FHIT: variants seen among roughly 807,000 people sequenced by gnomAD.
FHIT encodes the protein fragile histidine triad diadenosine triphosphatase, also known as bis(5'-adenosyl)-triphosphatase.
In FHIT, 19 loss-of-function variants were observed where a neutral mutation model predicts 17.9. That is an observed-to-expected ratio of 1.06 (90% CI 0.74 to 1.56). The LOEUF (loss-of-function observed/expected upper bound fraction) is 1.56, where lower values mean the gene tolerates loss of function less well. FHIT is among the 40% of genes most tolerant of loss of function. FHIT has a pLI of 0.00. For synonymous variants in FHIT, 81 were observed against 69.7 expected (o/e 1.16, Z -0.81); for missense variants, 248 against 189.2 (o/e 1.31, Z -1.82).
At chr3:59,780,668 T>A (rs1367253455) in intron 8 of FHIT, among the ~76,000 whole-genome samples, 1 of 152,152 alleles carries the variant, frequency 6.6e-6, no homozygotes, top group Non-Finnish European at 1.5e-5. Flanking sequence ...TGTGCCCTTA[T>A]AAGGACATGA....
At chr3:59,900,031 C>A (rs1704256327) in intron 8 of FHIT, among the ~76,000 whole-genome samples, 1 of 152,190 alleles carries the variant, frequency 6.6e-6, no homozygotes, top group African/African-American at 2.4e-5. Context: ...CCAGGGCCCA[C>A]AGGTATCGTT....
intron 5 of FHIT, among the ~76,000 whole-genome samples, chr3:60,280,067 C>A (rs929958712): frequency 2.7e-5 from 4 of 146,964 alleles, no homozygotes; most frequent in Admixed American, 2.0e-4. Context: ...GAAAACCAAA[C>A]AACAAAAAAA....
rs138026427 is a variant in FHIT at position 60,107,913 on chromosome 3, G to C, written c.104-93761C>G. ...GTTGACAGTCTAAATTTGCTTCCTT[G>C]AGGCATTATCTGTTTGACCAGATTT... On this transcript the variant is annotated intron_variant, in intron 5 of 9. Coordinates refer to ENST00000492590, the MANE Select transcript of FHIT (RefSeq NM_002012.4). Among the ~76,000 whole-genome samples the C allele has an allele frequency of 6.6e-5, 10 of 152,274 alleles. No homozygotes were observed. The East Asian group carries it at 1.9e-3, about 29-fold the overall frequency.
At chr3:59,854,453 C>T (rs773923804) in intron 8 of FHIT, among the ~76,000 whole-genome samples, 1 of 152,212 alleles carries the variant, frequency 6.6e-6, no homozygotes, top group African/African-American at 2.4e-5. Context: ...TCCCAATCAT[C>T]ACTTAGGTCA....
intron 5 of FHIT, among the ~76,000 whole-genome samples, chr3:60,292,148 A>G (rs959589336): frequency 1.3e-5 from 2 of 152,028 alleles, no homozygotes; most frequent in Non-Finnish European, 2.9e-5. Flanking sequence ...AGCTCAAGGT[A>G]GGGCCCAGGT....
At chr3:60,836,698 TCTA>T (rs1262664910) in intron 3 of FHIT, among the ~76,000 whole-genome samples, 1 of 152,194 alleles carries the variant, frequency 6.6e-6, no homozygotes, top group Admixed American at 6.5e-5. Flanking sequence ...AAGAGTGAGG[TCTA>T]GTAGAAAGAA....
intron 3 of FHIT, among the ~76,000 whole-genome samples, chr3:61,002,196 T>C (rs1223476312): frequency 1.3e-5 from 2 of 152,242 alleles, no homozygotes; most frequent in Non-Finnish European, 2.9e-5. Flanking sequence ...TTATTTACTA[T>C]AGTCACAATG....
At chr3:60,774,918 GA>G in intron 4 of FHIT, among the ~76,000 whole-genome samples, 1 of 152,222 alleles carries the variant, frequency 6.6e-6, no homozygotes, top group Admixed American at 6.5e-5. Flanking sequence ...CTTATTTCTG[GA>G]ATTTTCCATT....
intron 5 of FHIT, among the ~76,000 whole-genome samples, chr3:60,440,596 C>A (rs975941523): frequency 6.6e-6 from 1 of 152,058 alleles, no homozygotes; most frequent in African/African-American, 2.4e-5. Context: ...TAAAAACTTG[C>A]CCAAAGTCAC....
At chr3:60,546,606 C>T (rs1250901138) in intron 4 of FHIT, among the ~76,000 whole-genome samples, 1 of 152,216 alleles carries the variant, frequency 6.6e-6, no homozygotes, top group Non-Finnish European at 1.5e-5. Flanking sequence ...TCCCTTCTCA[C>T]AGGCAGCTGT....
intron 5 of FHIT, among the ~76,000 whole-genome samples, chr3:60,040,542 C>T (rs1701395146): frequency 6.6e-6 from 1 of 152,160 alleles, no homozygotes; most frequent in African/African-American, 2.4e-5. Flanking sequence ...TGAATCTCCC[C>T]TGTCCTCCTC....
At chr3:60,593,501 T>TG (rs1309543798) in intron 4 of FHIT, among the ~76,000 whole-genome samples, 2 of 152,138 alleles carry the variant, frequency 1.3e-5, no homozygotes, top group Non-Finnish European at 2.9e-5. Context: ...CCCCTGCCCC[T>TG]GGGTTCTCTA....
At chr3:60,644,500 G>A (rs576603226) in intron 4 of FHIT, among the ~76,000 whole-genome samples, 31 of 152,290 alleles carry the variant, frequency 2.0e-4, no homozygotes, top group South Asian at 1.2e-3. Context: ...GTTTTGTAGA[G>A]AGCATGTCTG....
intron 3 of FHIT, among the ~76,000 whole-genome samples, chr3:60,951,695 A>G (rs1330081866): frequency 6.6e-6 from 1 of 151,856 alleles, no homozygotes; most frequent in Non-Finnish European, 1.5e-5. Flanking sequence ...TTAAGCATTA[A>G]TATCTGGCTA....
chr3:59,926,303 G>T (rs1705655903), intron 7 of FHIT, among the ~76,000 whole-genome samples: 1 of 152,138 alleles, frequency 6.6e-6, no homozygotes, highest in African/African-American at 2.4e-5. Context: ...CTTTTCTAAA[G>T]TATACATTGA....
intron 8 of FHIT, among the ~76,000 whole-genome samples, chr3:59,786,602 A>G (rs17361780): frequency 0.16 from 23,930 of 152,272 alleles, 2,088 homozygotes; most frequent in Admixed American, 0.21. Flanking sequence ...GAATGATGGA[A>G]ATTGCCTGCA....
In FHIT at chr3:59,764,898, A is replaced by G. The variant is rs1027949673; in HGVS notation, c.349-12577T>C. Among the ~76,000 whole-genome samples, 12 of 39,726 alleles carry G rather than the reference A, an allele frequency of 3.0e-4. No homozygotes were observed. In the South Asian group the frequency reaches 8.0e-3, roughly 27 times the overall value. The allele number at this position is 39,726 out of a possible 152,430, so 26.1% of individuals were successfully genotyped here. A position where few individuals can be genotyped will look rare whatever the true frequency, so the allele number is the denominator to read the frequency against. On this transcript the variant is annotated intron_variant, in intron 8 of 9. Transcript: ENST00000492590. ...CACACACACACACACACACACACAC[A>G]CACACACACACACACACACACAGCT...
intron 5 of FHIT, among the ~76,000 whole-genome samples, chr3:60,359,359 C>T (rs961615645): frequency 7.1e-6 from 1 of 141,084 alleles, no homozygotes; most frequent in Admixed American, 7.7e-5. Context: ...TGGCTCAATG[C>T]AACCTCCGCC....
At chr3:60,254,279 T>C (rs1209734623) in intron 5 of FHIT, among the ~76,000 whole-genome samples, 1 of 152,120 alleles carries the variant, frequency 6.6e-6, no homozygotes, top group African/African-American at 2.4e-5. Flanking sequence ...CCCAGTGCAA[T>C]GAACAGTGAG....
Sources: gnomAD v4.1 joint callset for allele counts (sites outside exome capture counted in the v4.1 genomes callset) on GRCh38, gnomAD v4.1.1 for gene constraint, MANE v1.5 for transcripts, NCBI Gene and HGNC (gene_info 2026-07-23, HGNC 2026-07-21) for gene names.